The following SLC35F3 variants were observed in gnomAD, a reference collection of about 807,000 sequenced individuals.
SLC35F3 encodes solute carrier family 35 member F3.
Under a neutral mutation model 49.9 loss-of-function variants are expected in SLC35F3, and 25 were observed. The observed-to-expected ratio is 0.50, with a 90% CI of 0.37 to 0.70. The LOEUF is 0.70. Among genes scored for constraint, SLC35F3 ranks in the 30% least tolerant of loss-of-function variants. The pLI is 0.00. For missense variants in SLC35F3, 525 were observed against 639.8 expected (o/e 0.82, Z 1.94); for synonymous variants, 275 against 265.4 (o/e 1.04, Z -0.35).
chr1:234,271,045 G>A (rs1277910674), intron 3 of SLC35F3, among the ~76,000 whole-genome samples: 2 of 152,218 alleles, frequency 1.3e-5, no homozygotes, highest in Non-Finnish European at 2.9e-5. Flanking sequence ...GTAGGCAATA[G>A]CCTAAGTGTG....
chr1:234,057,332 C>A (rs1375028158), intron 2 of SLC35F3, among the ~76,000 whole-genome samples: 1 of 152,092 alleles, frequency 6.6e-6, no homozygotes, highest in Non-Finnish European at 1.5e-5. Context: ...TATTTAATTT[C>A]TTTCAGCATT....
intron 2 of SLC35F3, among the ~76,000 whole-genome samples, chr1:234,050,713 A>G (rs1398378756): frequency 6.6e-6 from 1 of 152,202 alleles, no homozygotes; most frequent in Non-Finnish European, 1.5e-5. Flanking sequence ...ATCCTTGCCC[A>G]TGCCTATGTC....
chr1:234,268,334 A>G (rs890635705), intron 3 of SLC35F3, among the ~76,000 whole-genome samples: 133 of 108,578 alleles, frequency 1.2e-3, no homozygotes, highest in African/African-American at 4.3e-3. Flanking sequence ...GCGCGCCTGC[A>G]ATCGCACGCA....
chr1:234,153,222 C>A (rs1186199168), intron 2 of SLC35F3, among the ~76,000 whole-genome samples: 1 of 152,158 alleles, frequency 6.6e-6, no homozygotes, highest in Non-Finnish European at 1.5e-5. Context: ...ACTAGAGAGA[C>A]CCTAATAGTA....
chr1:234,118,167 C>T (rs1665520959), intron 2 of SLC35F3, among the ~76,000 whole-genome samples: 1 of 152,012 alleles, frequency 6.6e-6, no homozygotes, highest in South Asian at 2.1e-4. Context: ...TTCCAAGATA[C>T]TGCTTCCTGT....
At chr1:233,920,093 T>A (rs768497617) in intron 2 of SLC35F3, among the ~76,000 whole-genome samples, 1 of 151,628 alleles carries the variant, frequency 6.6e-6, no homozygotes, top group Non-Finnish European at 1.5e-5. Flanking sequence ...TACACAGGAG[T>A]TCAATCAGAG....
intron 2 of SLC35F3, among the ~76,000 whole-genome samples, chr1:234,216,364 G>A (rs908600437): frequency 2.0e-5 from 3 of 152,212 alleles, no homozygotes; most frequent in Non-Finnish European, 2.9e-5. Context: ...AGTGGGGCAG[G>A]ACGCGGATGG....
At chr1:234,258,526 A>G (rs1002653578) in intron 3 of SLC35F3, among the ~76,000 whole-genome samples, 3 of 152,240 alleles carry the variant, frequency 2.0e-5, no homozygotes, top group Non-Finnish European at 2.9e-5. Context: ...GGCCCCTCCC[A>G]TAATTCTAAT....
intron 2 of SLC35F3, among the ~76,000 whole-genome samples, chr1:234,131,893 A>G (rs1263939727): frequency 6.6e-6 from 1 of 152,188 alleles, no homozygotes; most frequent in Non-Finnish European, 1.5e-5. Context: ...TCAGCAAATA[A>G]TAAGCGATAA....
chr1:234,018,225 G>A (rs958010000), intron 2 of SLC35F3, among the ~76,000 whole-genome samples: 6 of 152,196 alleles, frequency 3.9e-5, no homozygotes, highest in African/African-American at 9.7e-5. Flanking sequence ...TACAGAATCC[G>A]TGAATAATGA....
At chr1:234,147,228 TTC>T (rs1473858095) in intron 2 of SLC35F3, among the ~76,000 whole-genome samples, 8,399 of 111,648 alleles carry the variant, frequency 0.075, 303 homozygotes, top group African/African-American at 0.2. Flanking sequence ...CCTTTCTATT[TTC>T]TTTTTTTTTT....
At chr1:234,057,015 C>G (rs1376066100) in intron 2 of SLC35F3, among the ~76,000 whole-genome samples, 1 of 152,164 alleles carries the variant, frequency 6.6e-6, no homozygotes, top group Admixed American at 6.5e-5. Context: ...TTTTCTTGAT[C>G]TACATATCTG....
At chr1:234,127,533 C>A (rs1665666914) in intron 2 of SLC35F3, among the ~76,000 whole-genome samples, 1 of 152,114 alleles carries the variant, frequency 6.6e-6, no homozygotes, top group Non-Finnish European at 1.5e-5. Context: ...ATAATGCTGT[C>A]ATTCGATGCA....
chr1:234,104,475 C>A (rs945496320), intron 2 of SLC35F3, among the ~76,000 whole-genome samples: 2 of 152,022 alleles, frequency 1.3e-5, no homozygotes, highest in African/African-American at 4.8e-5. Flanking sequence ...ACTGAGTAGG[C>A]CTTTAAATGA....
intron 2 of SLC35F3, among the ~76,000 whole-genome samples, chr1:234,139,951 T>TAATA (rs1665868204): frequency 2.2e-5 from 2 of 90,564 alleles, no homozygotes; most frequent in Non-Finnish European, 4.6e-5. Flanking sequence ...CATCTCAAAA[T>TAATA]AATAAAATAA....
Position 234,231,354 on chromosome 1 carries a change from G to A in SLC35F3, c.284-63G>A. On this transcript the variant is annotated intron_variant, in intron 2 of 7. Transcript: ENST00000366618. The surrounding 1 kb of genome is among the most constrained non-coding windows in gnomAD (Gnocchi z 5.4). Reference sequence around the variant, plus strand: ...GTGGTGACAATGGCTGCAGGGCAGCGCCCTGCGAAGTGCAGGGGTGAAGGT... The same window carrying A: ...GTGGTGACAATGGCTGCAGGGCAGCACCCTGCGAAGTGCAGGGGTGAAGGT... 1 of 1,325,654 alleles carries A rather than the reference G, an allele frequency of 7.5e-7. No homozygotes were observed. The highest frequency in any genetic ancestry group is 1.0e-6 in the Non-Finnish European group (1 of 994,040). The allele number at this position is 1,325,654 out of a possible 1,614,324, so 82.1% of individuals were successfully genotyped here. A position where few individuals can be genotyped will look rare whatever the true frequency, so the allele number is the denominator to read the frequency against.
chr1:234,041,720 G>A (rs1664224092), intron 2 of SLC35F3, among the ~76,000 whole-genome samples: 1 of 152,148 alleles, frequency 6.6e-6, no homozygotes, highest in Non-Finnish European at 1.5e-5. Context: ...CTTACTTGAA[G>A]GTGAATGAGA....
At chr1:234,094,462 G>A (rs1047302673) in intron 2 of SLC35F3, among the ~76,000 whole-genome samples, 2 of 152,232 alleles carry the variant, frequency 1.3e-5, no homozygotes, top group Non-Finnish European at 2.9e-5. Context: ...GTGACACTTT[G>A]TTATCAGAGA....
At chr1:234,077,066 G>A (rs1013754983) in intron 2 of SLC35F3, among the ~76,000 whole-genome samples, 16 of 143,854 alleles carry the variant, frequency 1.1e-4, no homozygotes, top group African/African-American at 3.7e-4. Context: ...CTGCAGTGGC[G>A]CAATCTCGGC....
Sources: allele counts gnomAD v4.1 joint callset (sites outside exome capture counted in the v4.1 genomes callset), GRCh38; gene constraint gnomAD v4.1.1; non-coding constraint Gnocchi (gnomAD v3.1); transcripts MANE v1.5; gene names NCBI Gene and HGNC (gene_info 2026-07-23, HGNC 2026-07-21).